The following CDKL4 variants were observed in gnomAD, a reference collection of about 807,000 sequenced individuals.
CDKL4 encodes the protein cyclin-dependent kinase-like 4.
In CDKL4, 44 loss-of-function variants were observed where a neutral mutation model predicts 42.0. The ratio of observed to expected loss-of-function variants is 1.05; its 90% CI spans 0.82 to 1.35. CDKL4 has a LOEUF of 1.35. CDKL4 is among the 40% of genes most tolerant of loss of function. CDKL4 has a pLI of 0.00. For missense variants in CDKL4, 393 were observed against 369.9 expected, an observed-to-expected ratio of 1.06 and a Z score of -0.51; for synonymous variants, 120 against 121.6, an observed-to-expected ratio of 0.99 and a Z score of 0.09.
chr2:39,195,746 G>A (rs1276390760), intron 5 of CDKL4, among the ~76,000 whole-genome samples: 1 of 148,954 alleles, frequency 6.7e-6, no homozygotes, highest in Non-Finnish European at 1.5e-5. Context: ...GGGTTCAACT[G>A]ACTCTCATGC....
chr2:39,213,671 A>T (rs1275634736), intron 3 of CDKL4, among the ~76,000 whole-genome samples, 199 bp from the exon 4 acceptor site: 1 of 152,106 alleles, frequency 6.6e-6, no homozygotes, highest in African/African-American at 2.4e-5. Flanking sequence ...TGTAATTTGA[A>T]TTTTTTACAT....
intron 4 of CDKL4, among the ~76,000 whole-genome samples, chr2:39,205,583 ACC>A (rs1438616076): frequency 2.0e-5 from 3 of 151,786 alleles, no homozygotes; most frequent in African/African-American, 7.3e-5. Context: ...ACACGGTGAA[ACC>A]CCGTCTCTAC....
At chr2:39,242,034 T>C (rs1451536915) in intron 1 of CDKL4, among the ~76,000 whole-genome samples, 1 of 151,994 alleles carries the variant, frequency 6.6e-6, no homozygotes, top group African/African-American at 2.4e-5. Flanking sequence ...TAGTTTTCTT[T>C]TTCTTTTTCC....
intron 3 of CDKL4, among the ~76,000 whole-genome samples, chr2:39,223,157 A>G (rs1021504115): frequency 3.3e-5 from 5 of 152,144 alleles, no homozygotes; most frequent in African/African-American, 4.8e-5. Flanking sequence ...TGCATATTGT[A>G]CTATTGTATG....
downstream of CDKL4, among the ~76,000 whole-genome samples, chr2:39,173,619 C>T (rs566269223): frequency 2.0e-5 from 3 of 152,076 alleles, no homozygotes; most frequent in Non-Finnish European, 4.4e-5. Flanking sequence ...ACTATCCTGG[C>T]TAACACGGTG....
At chr2:39,228,800 C>T (rs1338609964) in intron 2 of CDKL4, among the ~76,000 whole-genome samples, 2 of 152,150 alleles carry the variant, frequency 1.3e-5, no homozygotes, top group Non-Finnish European at 2.9e-5. Flanking sequence ...AGATATTTAG[C>T]GTAAGAAAAA....
Position 39,240,069 on chromosome 2 carries a change from G to A in CDKL4, c.-57+3802C>T, listed in dbSNP as rs1035802398. 3.6e-4 allele frequency among the ~76,000 whole-genome samples: 54 copies of A among 151,648 alleles called. 1 individual carries two copies. Among genetic ancestry groups the A allele is most frequent in the African/African-American group, 1.2e-3 (51 of 41,324 alleles). On this transcript the variant is annotated intron_variant, in intron 1 of 9. Coordinates refer to ENST00000451199, the Ensembl canonical transcript of CDKL4. The stretch of plus-strand genomic sequence containing the variant: ...TGTGCCACTGCACTCCAGCCTGGGT[G>A]ACAGAGTGAGACTCTGTCTCAAAAA...
chr2:39,218,919 TG>T (rs1678130939), intron 3 of CDKL4, among the ~76,000 whole-genome samples: 1 of 152,236 alleles, frequency 6.6e-6, no homozygotes, highest in Non-Finnish European at 1.5e-5. Context: ...AGTACCTCTA[TG>T]TATCCCACTG....
upstream of CDKL4, among the ~76,000 whole-genome samples, chr2:39,246,200 T>G (rs2148421155): frequency 6.6e-6 from 1 of 152,324 alleles, no homozygotes; most frequent in African/African-American, 2.4e-5. Flanking sequence ...TCCACTTCTT[T>G]CATTTGCTTA....
chr2:39,193,186 C>G (rs765430874), intron 5 of CDKL4, among the ~76,000 whole-genome samples: 2 of 146,412 alleles, frequency 1.4e-5, no homozygotes, highest in African/African-American at 5.1e-5. Flanking sequence ...GTAATCCCAG[C>G]ACTTTGGGAG....
intron 9 of CDKL4, among the ~76,000 whole-genome samples, chr2:39,178,004 G>C (rs568874262): frequency 6.6e-6 from 1 of 152,176 alleles, no homozygotes; most frequent in Non-Finnish European, 1.5e-5. Flanking sequence ...TTTTTAACAG[G>C]AGAGTGTCCT....
At chr2:39,175,727 C>T (rs1421280951) in exon 10 of CDKL4, 1 of 195,150 alleles carries the variant, frequency 5.1e-6, no homozygotes, top group Admixed American at 5.4e-5. Context: ...ATATAGATAG[C>T]CTCGGGAGGG....
At chr2:39,190,755 G>T (rs1195602853) in intron 5 of CDKL4, among the ~76,000 whole-genome samples, 1 of 152,130 alleles carries the variant, frequency 6.6e-6, no homozygotes, top group African/African-American at 2.4e-5. Context: ...ATAGGGATGG[G>T]GGGAATGAGA....
At chr2:39,246,711 T>C (rs1328269707), upstream of CDKL4, among the ~76,000 whole-genome samples, 1 of 152,186 alleles carries the variant, frequency 6.6e-6, no homozygotes, top group Admixed American at 6.5e-5. Flanking sequence ...TTTACAAATC[T>C]TACTACACAA....
In CDKL4 at chr2:39,182,916, G is replaced by A. The variant is rs376805782; in HGVS notation, c.792+1675C>T. Among the ~76,000 whole-genome samples the A allele has an allele frequency of 3.9e-5, 6 of 152,314 alleles. No individual in the cohort carries two copies. The East Asian group carries it at 9.6e-4, about 24-fold the overall frequency. ...GCCAAATACGCCATCCACCTGAGCA[G>A]TCCCTGCATAGGTTATGATTCGGTC... On this transcript the variant is annotated intron_variant, in intron 8 of 9. Coordinates refer to ENST00000451199, the Ensembl canonical transcript of CDKL4.
At chr2:39,242,955 C>A (rs1211218695) in intron 1 of CDKL4, among the ~76,000 whole-genome samples, 1 of 151,460 alleles carries the variant, frequency 6.6e-6, no homozygotes, top group Non-Finnish European at 1.5e-5. Context: ...AAAAAAGTTG[C>A]TGGGCGTGGT....
At chr2:39,226,758 T>A (rs1053345129) in intron 2 of CDKL4, among the ~76,000 whole-genome samples, 1 of 151,978 alleles carries the variant, frequency 6.6e-6, no homozygotes, top group Non-Finnish European at 1.5e-5. Context: ...GGTGACCACA[T>A]AATTCAGCAT....
chr2:39,169,578 A>C, the CDKL4 span, among the ~76,000 whole-genome samples: 1 of 152,322 alleles, frequency 6.6e-6, no homozygotes, highest in East Asian at 1.9e-4. Flanking sequence ...TGCCATAGAG[A>C]ATCACAGAAC....
At chr2:39,183,892 G>C (rs548582706) in intron 8 of CDKL4, among the ~76,000 whole-genome samples, 12 of 152,198 alleles carry the variant, frequency 7.9e-5, no homozygotes, top group South Asian at 2.1e-4. Context: ...ACCAGCACTC[G>C]CACAAAGGCT....
Sources: gnomAD v4.1 joint callset for allele counts (sites outside exome capture counted in the v4.1 genomes callset) on GRCh38, gnomAD v4.1.1 for gene constraint, MANE v1.5 for transcripts, NCBI Gene and HGNC (gene_info 2026-07-23, HGNC 2026-07-21) for gene names.